The following TXNL4A variants were observed in gnomAD, a reference collection of about 807,000 sequenced individuals.
TXNL4A encodes thioredoxin like 4A.
Under a neutral mutation model 14.6 loss-of-function variants are expected in TXNL4A, and 17 were observed. The observed-to-expected ratio is 1.16, with a 90% CI of 0.80 to 1.74. TXNL4A has a LOEUF of 1.74. Ranked by LOEUF, TXNL4A falls within the 40% of genes most tolerant of loss-of-function variation. The pLI is 0.00. For missense variants in TXNL4A, 74 were observed against 195.2 expected, an observed-to-expected ratio of 0.38 and a Z score of 3.70; for synonymous variants, 83 against 70.6, an observed-to-expected ratio of 1.18 and a Z score of -0.88.
intron 1 of TXNL4A, among the ~76,000 whole-genome samples, chr18:80,029,481 C>T (rs1287666036): frequency 1.3e-5 from 2 of 152,210 alleles, no homozygotes; most frequent in Non-Finnish European, 2.9e-5. Flanking sequence ...ACAGCCATGG[C>T]AGTTGGAAAA....
intron 1 of TXNL4A, among the ~76,000 whole-genome samples, chr18:80,023,205 G>C (rs2051861502): frequency 6.6e-6 from 1 of 152,152 alleles, no homozygotes; most frequent in Admixed American, 6.5e-5. Context: ...TCCTTTGATG[G>C]GGACAGTATT....
intron 1 of TXNL4A, among the ~76,000 whole-genome samples, chr18:79,987,732 C>G (rs901314139): frequency 6.6e-6 from 1 of 152,150 alleles, no homozygotes. Flanking sequence ...TTTACTGCAC[C>G]TCAATCACTG....
rs398120727 is a variant in TXNL4A, at chr18:79,973,301, C to CT, written c.*383_*384insA. 3.0e-5 allele frequency: 5 copies of CT among 167,748 alleles called. No individual in the cohort carries two copies. The Admixed American group carries it at 3.1e-4, about 10-fold the overall frequency. The allele number at this position is 167,748 out of a possible 1,614,324, so 10.4% of individuals were successfully genotyped here. ...CCGCGACACCCTGATCTCAGACCCC[C>CT]GCCTGCAAAGCTGTGAGAGCACACA... On this transcript the variant is annotated 3_prime_UTR_variant, in exon 3 of 3. Coordinates refer to ENST00000269601, the MANE Select transcript of TXNL4A (RefSeq NM_006701.5).
chr18:79,994,446 G>A (rs1254576812), intron 1 of TXNL4A, among the ~76,000 whole-genome samples: 2 of 151,820 alleles, frequency 1.3e-5, no homozygotes, highest in Admixed American at 6.6e-5. Context: ...CCTCCCAGGG[G>A]AAAGATCACC....
At chr18:79,980,959 G>T (rs758891067) in intron 1 of TXNL4A, among the ~76,000 whole-genome samples, 4 of 152,198 alleles carry the variant, frequency 2.6e-5, no homozygotes, top group Non-Finnish European at 5.9e-5. Context: ...TTCCCGCAGC[G>T]TCCACAGTGA....
In TXNL4A at chr18:79,977,582, C is replaced by T; in HGVS notation, c.257+16G>A. On this transcript the variant is annotated intron_variant, in intron 2 of 2. Coordinates refer to ENST00000269601, the MANE Select transcript of TXNL4A (RefSeq NM_006701.5). ...TGACAATATTCAATTTCAGTAACAA[C>T]TTTAAGATAACGTACCTGAAGAAAA... The T allele has an allele frequency of 6.4e-7, 1 of 1,558,822 alleles. No individual in the cohort carries two copies. The highest frequency in any genetic ancestry group is 8.8e-7 in the Non-Finnish European group (1 of 1,139,886).
intron 1 of TXNL4A, among the ~76,000 whole-genome samples, chr18:80,006,651 G>A (rs988751088): frequency 2.0e-5 from 3 of 152,162 alleles, no homozygotes; most frequent in Non-Finnish European, 4.4e-5. Context: ...CTCATGTCAA[G>A]GAAATTGAGG....
At chr18:80,012,975 G>A (rs573700083) in intron 1 of TXNL4A, among the ~76,000 whole-genome samples, 12 of 152,042 alleles carry the variant, frequency 7.9e-5, no homozygotes, top group Admixed American at 3.9e-4. Flanking sequence ...AGCATTCGTC[G>A]ACGACCTGCT....
chr18:80,021,134 C>G (rs1195750807), intron 1 of TXNL4A, among the ~76,000 whole-genome samples: 2 of 151,562 alleles, frequency 1.3e-5, no homozygotes, highest in East Asian at 3.9e-4. Flanking sequence ...TTTTGGACTC[C>G]CTGAGGCAGC....
At chr18:80,006,009 C>G (rs2051727890) in intron 1 of TXNL4A, among the ~76,000 whole-genome samples, 1 of 152,030 alleles carries the variant, frequency 6.6e-6, no homozygotes, top group Non-Finnish European at 1.5e-5. Context: ...TTTGTAGTCC[C>G]AAGTACTCAG....
intron 1 of TXNL4A, among the ~76,000 whole-genome samples, chr18:80,009,777 C>T (rs999302746): frequency 2.6e-5 from 4 of 152,182 alleles, no homozygotes; most frequent in African/African-American, 9.7e-5. Context: ...TGATTCTTCC[C>T]TTGGAGCTGG....
chr18:80,031,248 T>C (rs1167819411), intron 1 of TXNL4A, among the ~76,000 whole-genome samples: 2 of 152,140 alleles, frequency 1.3e-5, no homozygotes, highest in Admixed American at 6.5e-5. Context: ...AGTAGGAAGA[T>C]ATATGGGGTG....
At chr18:80,014,019 A>T (rs942127574) in intron 1 of TXNL4A, among the ~76,000 whole-genome samples, 10 of 152,158 alleles carry the variant, frequency 6.6e-5, no homozygotes, top group African/African-American at 2.2e-4. Flanking sequence ...CTCTCAAGAG[A>T]CTTATTCACT....
At chr18:79,977,950 T>A in intron 1 of TXNL4A, 1 of 489,742 alleles carries the variant, frequency 2.0e-6, no homozygotes, top group Non-Finnish European at 3.6e-6. Flanking sequence ...ATTATAGGAG[T>A]GAGCCATCAC....
intron 1 of TXNL4A, among the ~76,000 whole-genome samples, chr18:79,984,741 T>G (rs949158086): frequency 1.3e-5 from 2 of 152,180 alleles, no homozygotes; most frequent in African/African-American, 4.8e-5. Context: ...TCCTGAGTAG[T>G]GGGGTTACAG....
intron 1 of TXNL4A, among the ~76,000 whole-genome samples, chr18:80,013,072 G>GA (rs1397236691): frequency 3.3e-5 from 4 of 122,640 alleles, no homozygotes; most frequent in Non-Finnish European, 5.4e-5. Context: ...TTTGAAGAAA[G>GA]AAAAAATAAG....
upstream of TXNL4A, among the ~76,000 whole-genome samples, chr18:79,989,016 A>G (rs1211300174): frequency 6.6e-6 from 1 of 152,242 alleles, no homozygotes; most frequent in African/African-American, 2.4e-5. Flanking sequence ...CAACCACAGC[A>G]GAGTCGAGCA....
intron 1 of TXNL4A, among the ~76,000 whole-genome samples, chr18:80,029,810 TA>T (rs1307860741): frequency 1.3e-5 from 2 of 152,006 alleles, no homozygotes; most frequent in African/African-American, 4.8e-5. Context: ...GGAACAAACA[TA>T]ATCAACCCAA....
At chr18:80,021,080 C>CA (rs1281003510) in intron 1 of TXNL4A, among the ~76,000 whole-genome samples, 3 of 152,102 alleles carry the variant, frequency 2.0e-5, no homozygotes, top group African/African-American at 7.2e-5. Context: ...TGAGAAAACT[C>CA]AGAGAGATTT....
Sources: allele counts gnomAD v4.1 joint callset (sites outside exome capture counted in the v4.1 genomes callset), GRCh38; gene constraint gnomAD v4.1.1; transcripts MANE v1.5; gene names NCBI Gene and HGNC (gene_info 2026-07-23, HGNC 2026-07-21).